The following PYHIN1 variants were observed in gnomAD, a reference collection of about 807,000 sequenced individuals.
The protein encoded by PYHIN1 is pyrin and HIN domain family member 1, also known as pyrin and HIN domain-containing protein 1.
In PYHIN1, 32 loss-of-function variants were observed where a neutral mutation model predicts 43.7. That is an observed-to-expected ratio of 0.73 (90% CI 0.55 to 0.98). The LOEUF (loss-of-function observed/expected upper bound fraction) is 0.98. Among genes scored for constraint, PYHIN1 ranks in the 50% least tolerant of loss-of-function variants. The pLI, the probability that PYHIN1 is intolerant of heterozygous loss-of-function variation, is 0.00. For missense variants in PYHIN1, 588 were observed against 589.5 expected, an observed-to-expected ratio of 1.00 and a Z score of 0.03; for synonymous variants, 205 against 203.1, an observed-to-expected ratio of 1.01 and a Z score of -0.08.
At chr1:158,955,499 A>T (rs966597822) in intron 7 of PYHIN1, among the ~76,000 whole-genome samples, 1 of 152,076 alleles carries the variant, frequency 6.6e-6, no homozygotes, top group Admixed American at 6.5e-5. Context: ...CTCCTGAATG[A>T]CTACTGGATA....
chr1:158,980,444 G>T (rs935027723), downstream of PYHIN1, among the ~76,000 whole-genome samples: 1 of 152,124 alleles, frequency 6.6e-6, no homozygotes, highest in African/African-American at 2.4e-5. Flanking sequence ...ATAAATGGAT[G>T]TGCAAGTAGG....
At chr1:158,975,292 T>A (rs1008181741) in intron 8 of PYHIN1, among the ~76,000 whole-genome samples, 2 of 152,184 alleles carry the variant, frequency 1.3e-5, no homozygotes, top group Admixed American at 1.3e-4. Context: ...GGATTTAAAG[T>A]CAAAAGCAGA....
chr1:158,934,151 A>T (rs1648353465), intron 1 of PYHIN1, among the ~76,000 whole-genome samples: 1 of 152,184 alleles, frequency 6.6e-6, no homozygotes, highest in African/African-American at 2.4e-5. Context: ...TATAAAGATT[A>T]CTTAATGCAC....
At chr1:158,989,910 G>A in the PYHIN1 span, among the ~76,000 whole-genome samples, 3 of 151,736 alleles carry the variant, frequency 2.0e-5, no homozygotes, top group South Asian at 4.2e-4. Context: ...CCAAGTTCAA[G>A]TATAATTTCC....
chr1:158,939,147 G>A lies in PYHIN1; in HGVS notation c.479G>A (p.Arg160Gln), dbSNP rs375047994. 23 of 1,613,582 alleles carry A rather than the reference G, an allele frequency of 1.4e-5. No homozygotes were observed. The highest frequency in any genetic ancestry group is 1.6e-4 in the Middle Eastern group (1 of 6,084). Residue 160 changes from arginine to glutamine, a missense_variant, in exon 4 of 9, where the codon CGG (arginine) becomes CAG (glutamine). Transcript: ENST00000368140. ...KRSKMSKEQT[R>Q]PSCSAGASTS... is the part of the protein sequence containing the mutation. ...AGTAAGATGTCCAAAGAGCAGACTC[G>A]GCCTTCCTGCTCTGCAGGAGCCAGC...
At chr1:158,957,822 T>C (rs1290480539) in intron 7 of PYHIN1, among the ~76,000 whole-genome samples, 3 of 147,090 alleles carry the variant, frequency 2.0e-5, no homozygotes, top group South Asian at 2.2e-4. Context: ...ACAGGCAACC[T>C]ACAAAATGGG....
At chr1:158,940,599 TA>T (rs943536708) in intron 4 of PYHIN1, among the ~76,000 whole-genome samples, 1 of 152,166 alleles carries the variant, frequency 6.6e-6, no homozygotes, top group Non-Finnish European at 1.5e-5. Context: ...GCTTTATTAT[TA>T]AAAAAATGTT....
At chr1:158,982,424 C>A in the PYHIN1 span, among the ~76,000 whole-genome samples, 1 of 152,058 alleles carries the variant, frequency 6.6e-6, no homozygotes, top group Non-Finnish European at 1.5e-5. Context: ...TTGTTATTGT[C>A]AACTTTGTTG....
At chr1:158,964,903 T>G (rs1289495510) in intron 7 of PYHIN1, among the ~76,000 whole-genome samples, 2 of 152,104 alleles carry the variant, frequency 1.3e-5, no homozygotes, top group Non-Finnish European at 2.9e-5. Flanking sequence ...ACCTTTAATG[T>G]AAACAGGCTA....
At chr1:158,946,005 A>G (rs1463398023) in intron 7 of PYHIN1, among the ~76,000 whole-genome samples, 1 of 152,242 alleles carries the variant, frequency 6.6e-6, no homozygotes, top group African/African-American at 2.4e-5. Context: ...CCCTATTGAA[A>G]TGTAAAACTT....
chr1:158,937,419 G>A (rs759101464), intron 2 of PYHIN1, among the ~76,000 whole-genome samples: 1 of 152,196 alleles, frequency 6.6e-6, no homozygotes, highest in Non-Finnish European at 1.5e-5. Flanking sequence ...GAGTTGAAGA[G>A]AGACTGAGAC....
intron 1 of PYHIN1, among the ~76,000 whole-genome samples, chr1:158,936,463 C>A (rs1040678584): frequency 3.7e-4 from 56 of 151,996 alleles, no homozygotes; most frequent in African/African-American, 1.3e-3. Flanking sequence ...TACTGGCAAA[C>A]CAAATCCAGC....
chr1:158,970,003 G>T (rs753441742), intron 7 of PYHIN1, among the ~76,000 whole-genome samples: 4 of 151,880 alleles, frequency 2.6e-5, no homozygotes, highest in Non-Finnish European at 5.9e-5. Context: ...GGAAAGCCTT[G>T]CCCATTTACT....
At chr1:158,987,450 T>C in the PYHIN1 span, among the ~76,000 whole-genome samples, 1 of 152,204 alleles carries the variant, frequency 6.6e-6, no homozygotes, top group Non-Finnish European at 1.5e-5. Flanking sequence ...AAGTCCCTTA[T>C]TGAATATATG....
chr1:158,969,416 T>G (rs1472849928), intron 7 of PYHIN1, among the ~76,000 whole-genome samples: 2 of 151,926 alleles, frequency 1.3e-5, no homozygotes, highest in African/African-American at 4.8e-5. Context: ...ATCTAGTATC[T>G]TACCCATTAC....
intron 8 of PYHIN1, among the ~76,000 whole-genome samples, chr1:158,975,504 G>A (rs1651203271): frequency 6.6e-6 from 1 of 152,022 alleles, no homozygotes; most frequent in Non-Finnish European, 1.5e-5. Flanking sequence ...TCTGGATCAG[G>A]CTGACATAAA....
the PYHIN1 span, among the ~76,000 whole-genome samples, chr1:158,983,544 A>AT: frequency 0.044 from 6,577 of 151,086 alleles, 357 homozygotes; most frequent in East Asian, 0.26. Context: ...GTTTGCTAGT[A>AT]TTTTTTTTTG....
At chr1:158,962,169 A>G (rs574540966) in intron 7 of PYHIN1, among the ~76,000 whole-genome samples, 1 of 152,156 alleles carries the variant, frequency 6.6e-6, no homozygotes, top group South Asian at 2.1e-4. Flanking sequence ...CCTCATGAAA[A>G]AGTGGCCAGA....
intron 7 of PYHIN1, among the ~76,000 whole-genome samples, chr1:158,968,181 A>T (rs115051001): frequency 0.01 from 1,588 of 152,018 alleles, 35 homozygotes; most frequent in African/African-American, 0.037. Context: ...GAAAAAAAAA[A>T]TTGCAAACTT....
Sources: gnomAD v4.1 joint callset for allele counts (sites outside exome capture counted in the v4.1 genomes callset) on GRCh38, gnomAD v4.1.1 for gene constraint, MANE v1.5 for transcripts, NCBI Gene and HGNC (gene_info 2026-07-23, HGNC 2026-07-21) for gene names.